The following AGO1 variants were observed in gnomAD, a reference collection of about 807,000 sequenced individuals.
AGO1 encodes argonaute RISC component 1, also known as protein argonaute-1.
Under a neutral mutation model 109.2 loss-of-function variants are expected in AGO1, and 11 were observed. The observed-to-expected ratio is 0.10, with a 90% CI of 0.06 to 0.17. The LOEUF (loss-of-function observed/expected upper bound fraction) is 0.17. Among genes scored for constraint, AGO1 ranks in the 10% least tolerant of loss-of-function variants. The probability of loss-of-function intolerance (pLI) is 1.00; values close to 1 mark genes in which losing one functional copy is unlikely to be tolerated. For synonymous variants in AGO1, 422 were observed against 418.6 expected (o/e 1.01, Z -0.10); for missense variants, 574 against 1,140.3 (o/e 0.50, Z 7.15).
Position 35,924,514 on chromosome 1 carries a change from C to T in AGO1, c.*4907C>T, listed in dbSNP as rs1489008222. On this transcript the variant is annotated 3_prime_UTR_variant, in exon 19 of 19. Coordinates refer to ENST00000373204, the MANE Select transcript of AGO1 (RefSeq NM_012199.5). Reference sequence around the variant, plus strand: ...CAATTCAAAATGAGGAAAATAGTGTCCGTCTCATTAAGGGAATTAAGTTTG... The same window carrying T: ...CAATTCAAAATGAGGAAAATAGTGTTCGTCTCATTAAGGGAATTAAGTTTG... The T allele has an allele frequency of 6.6e-6, 1 of 152,098 alleles. No homozygotes were observed. The highest frequency in any genetic ancestry group is 1.5e-5 in the Non-Finnish European group (1 of 68,032). 9.4% of individuals were successfully genotyped at this position (152,098 alleles called of 1,614,324 possible).
chr1:35,881,993 TCATGTGAGAGCAGTTCAGAAGGTAAA>T (rs1404666937), upstream of AGO1, among the ~76,000 whole-genome samples: 1 of 152,140 alleles, frequency 6.6e-6, no homozygotes, highest in Non-Finnish European at 1.5e-5. Flanking sequence ...TGGCAGTGAA[TCATGTGAGAGCAGTTCAGAAGGTAAA>T]CATGTCAAGA....
At chr1:35,894,486 CA>C (rs1444237301) in intron 7 of AGO1, 84 bp downstream of exon 7, 10 of 1,367,554 alleles carry the variant, frequency 7.3e-6, no homozygotes, top group Non-Finnish European at 1.0e-5. Flanking sequence ...CTCCCTCCCC[CA>C]CTGGCCTTGA....
At chr1:35,894,576 T>C (rs1645284675) in intron 7 of AGO1, among the ~76,000 whole-genome samples, 174 bp downstream of exon 7, 1 of 151,904 alleles carries the variant, frequency 6.6e-6, no homozygotes, top group African/African-American at 2.4e-5. Context: ...TTCTCTGATC[T>C]GTTGATACTC....
At chr1:35,898,567 C>T (rs1046820139) in intron 8 of AGO1, among the ~76,000 whole-genome samples, 2 of 152,158 alleles carry the variant, frequency 1.3e-5, no homozygotes, top group South Asian at 2.1e-4. Flanking sequence ...TGTTTAACAT[C>T]GTGATGAGCT....
At chr1:35,892,001 C>T (rs1645229191) in intron 2 of AGO1, among the ~76,000 whole-genome samples, 1 of 152,146 alleles carries the variant, frequency 6.6e-6, no homozygotes, top group African/African-American at 2.4e-5. Flanking sequence ...CCTCAGCCTC[C>T]CAAACAACTG....
intron 1 of AGO1, chr1:35,873,707 G>T (rs1340656242): frequency 6.5e-6 from 1 of 152,926 alleles, no homozygotes; most frequent in Non-Finnish European, 1.5e-5. Context: ...TCTCGTGAAA[G>T]AGTACTTTTC....
At chr1:35,899,960 G>C (rs1645385506) in intron 8 of AGO1, among the ~76,000 whole-genome samples, 1 of 152,182 alleles carries the variant, frequency 6.6e-6, no homozygotes, top group Non-Finnish European at 1.5e-5. Flanking sequence ...AGTATTTCCA[G>C]ACCTACTGGC....
chr1:35,881,762 C>T (rs1645039711), upstream of AGO1, among the ~76,000 whole-genome samples: 1 of 152,312 alleles, frequency 6.6e-6, no homozygotes, highest in East Asian at 1.9e-4. Flanking sequence ...CTTAAGTTCC[C>T]AGCCTCTGCA....
chr1:35,930,418 A>G lies in AGO1; in HGVS notation c.*10811A>G, dbSNP rs568745685. 1 of 152,346 alleles carries G rather than the reference A, an allele frequency of 6.6e-6. No individual in the cohort carries two copies. The highest frequency in any genetic ancestry group is 2.4e-5 in the African/African-American group (1 of 41,576). 9.4% of individuals were successfully genotyped at this position (152,346 alleles called of 1,614,324 possible). ...GGCCCGTTGGGAGAATTGGAAGCCA[A>G]CCAGTATAGCTGTAGCACAGGCGGG... is the stretch of plus-strand genomic sequence containing the variant. On this transcript the variant is annotated 3_prime_UTR_variant, in exon 19 of 19. Coordinates refer to ENST00000373204, the MANE Select transcript of AGO1 (RefSeq NM_012199.5).
In AGO1 at chr1:35,883,440, G is replaced by C; in HGVS notation, c.19G>C (p.Gly7Arg). 1 of 1,569,732 alleles carries C rather than the reference G, an allele frequency of 6.4e-7. No homozygotes were observed. The highest frequency in any genetic ancestry group is 8.6e-7 in the Non-Finnish European group (1 of 1,161,426). Reference sequence around the variant, plus strand: ...ATATGGGATGGAAGCGGGACCCTCGGGAGCAGGTAAGGGTCCCCAGGAGGG... The same window carrying C: ...ATATGGGATGGAAGCGGGACCCTCGCGAGCAGGTAAGGGTCCCCAGGAGGG... MEAGPS[G>R]AAAGAYLPPL... Residue 7 changes from glycine to arginine, a missense_variant, in exon 1 of 19, where the codon GGA becomes CGA. By Grantham distance (125) the Gly-to-Arg change is moderately radical (BLOSUM62 -2). Coordinates refer to ENST00000373204, the MANE Select transcript of AGO1 (RefSeq NM_012199.5). This position sits in a 1 kb window ranked among gnomAD's most constrained non-coding sequence, Gnocchi z 5.4.
In AGO1 at chr1:35,919,602, G is replaced by A. The variant is rs775410850; in HGVS notation, c.2569G>A (p.Ala857Thr). ...GGATACTCTGCGCACCATGTACTTCGCTTGAAGGCAGAACGCTGTTACCTC... is the reference window on the plus strand; with the variant it reads ...GGATACTCTGCGCACCATGTACTTCACTTGAAGGCAGAACGCTGTTACCTC... ...HQDTLRTMYFA is the reference protein window; with the variant it reads ...HQDTLRTMYFT The change falls in exon 19 of 19, where the codon GCT becomes ACT. Residue 857 changes from alanine (A) to threonine (T), a missense_variant. Coordinates refer to ENST00000373204, the MANE Select transcript of AGO1 (RefSeq NM_012199.5). The surrounding 1 kb of genome is among the most constrained non-coding windows in gnomAD (Gnocchi z 6.6). 4 of 1,613,172 alleles carry A rather than the reference G, an allele frequency of 2.5e-6. No homozygotes were observed. Among genetic ancestry groups the A allele is most frequent in the Non-Finnish European group, 1.7e-6 (2 of 1,179,456 alleles).
chr1:35,925,421 A>G lies in AGO1; in HGVS notation c.*5814A>G, dbSNP rs774834541. ...TAATTTTGTTCCTAGCCAATATTAT[A>G]AACCATGTTCCAGCATACTAGATAA... On this transcript the variant is annotated 3_prime_UTR_variant, in exon 19 of 19. Coordinates refer to ENST00000373204, the MANE Select transcript of AGO1 (RefSeq NM_012199.5). 1 of 146,774 alleles carries G rather than the reference A, an allele frequency of 6.8e-6. No homozygotes were observed. Among genetic ancestry groups the G allele is most frequent in the African/African-American group, 2.5e-5 (1 of 39,278 alleles). The allele number at this position is 146,774 out of a possible 1,614,324, so 9.1% of individuals were successfully genotyped here.
chr1:35,902,167 T>C, intron 10 of AGO1, 37 bp from the exon 11 acceptor site: 1 of 1,603,996 alleles, frequency 6.2e-7, no homozygotes, highest in Non-Finnish European at 8.5e-7. Context: ...CTGACTCTAC[T>C]GAGGCTCACC....
chr1:35,875,007 A>G (rs1265420299), intron 1 of AGO1, among the ~76,000 whole-genome samples: 1 of 152,232 alleles, frequency 6.6e-6, no homozygotes, highest in African/African-American at 2.4e-5. Flanking sequence ...CATGAGGTTT[A>G]AGGAAAGAAG....
chr1:35,901,016 C>G lies in AGO1; in HGVS notation c.1021-458C>G, dbSNP rs1382954325. Among the ~76,000 whole-genome samples the G allele has an allele frequency of 6.7e-6, 1 of 149,200 alleles. No individual in the cohort carries two copies. Among genetic ancestry groups the G allele is most frequent in the Non-Finnish European group, 1.5e-5 (1 of 67,650 alleles). On this transcript the variant is annotated intron_variant, in intron 8 of 18. Coordinates refer to ENST00000373204, the MANE Select transcript of AGO1 (RefSeq NM_012199.5). This position sits in a 1 kb window ranked among gnomAD's most constrained non-coding sequence, Gnocchi z 4.8. ...TTTTTTTTTGAGACAGGGTCTCACT[C>G]TGTCACCCAGGCTGGCGTTCAGTGG... is the stretch of plus-strand genomic sequence containing the variant.
At chr1:35,892,850 G>A (rs943496807) in intron 3 of AGO1, among the ~76,000 whole-genome samples, 173 bp downstream of exon 3, 5 of 152,156 alleles carry the variant, frequency 3.3e-5, no homozygotes, top group African/African-American at 4.8e-5. Flanking sequence ...GTGCCTGTCC[G>A]TGTCCTAAAC....
upstream of AGO1, among the ~76,000 whole-genome samples, chr1:35,879,587 T>C (rs922426380): frequency 1.3e-5 from 2 of 151,572 alleles, no homozygotes; most frequent in Non-Finnish European, 2.9e-5. Context: ...GCGCAAAAAT[T>C]AGCTGGGTGT....
rs539495561 is a variant in AGO1 at position 35,870,414 on chromosome 1, G to A, written c.-201+511G>A. The stretch of plus-strand genomic sequence containing the variant: ...TTCTCTTGCCTCAGCCTCCCGAGTA[G>A]CTGGGACTATAGGCGCCCGCCACCA... On this transcript the variant is annotated intron_variant, in intron 1 of 18. Transcript: ENST00000373206. Among the ~76,000 whole-genome samples, 165 of 152,100 alleles carry A rather than the reference G, an allele frequency of 1.1e-3. 1 individual carries two copies. Among genetic ancestry groups the A allele is most frequent in the African/African-American group, 3.8e-3 (156 of 41,500 alleles).
Position 35,896,155 on chromosome 1 carries a change from A to G in AGO1, c.1020+886A>G, listed in dbSNP as rs574537163. 2.2e-4 allele frequency among the ~76,000 whole-genome samples: 34 copies of G among 152,084 alleles called. No individual in the cohort carries two copies. In the Middle Eastern group the frequency reaches 0.01, roughly 46 times the overall value. ...GTTGGAATTACAGGCATGCGCCACC[A>G]CACCCAGCTAATTTTGTATTTTTAG... On this transcript the variant is annotated intron_variant, in intron 8 of 18. Coordinates refer to ENST00000373204, the MANE Select transcript of AGO1 (RefSeq NM_012199.5).
Sources: allele counts gnomAD v4.1 joint callset (sites outside exome capture counted in the v4.1 genomes callset), GRCh38; gene constraint gnomAD v4.1.1; non-coding constraint Gnocchi (gnomAD v3.1); transcripts MANE v1.5; gene names NCBI Gene and HGNC (gene_info 2026-07-23, HGNC 2026-07-21).